C12orf56: variants seen among roughly 807,000 people sequenced by gnomAD.
C12orf56 encodes uncharacterized protein C12orf56.
C12orf56 carries 71 observed loss-of-function variants against 69.9 expected under a neutral mutation model. The observed-to-expected ratio is 1.02, with a 90% CI of 0.84 to 1.24. The LOEUF is 1.24. C12orf56 is among the 50% of genes most tolerant of loss of function. The pLI is 0.00. For missense variants in C12orf56, 732 were observed against 738.5 expected, an observed-to-expected ratio of 0.99 and a Z score of 0.10; for synonymous variants, 276 against 274.1, an observed-to-expected ratio of 1.01 and a Z score of -0.07.
At chr12:64,325,966 T>C (rs1241698359) in intron 3 of C12orf56, among the ~76,000 whole-genome samples, 1 of 152,176 alleles carries the variant, frequency 6.6e-6, no homozygotes, top group Non-Finnish European at 1.5e-5. Flanking sequence ...CTTCTATATA[T>C]ATGGGTATAA....
At chr12:64,281,847 A>G (rs2038133162) in intron 8 of C12orf56, among the ~76,000 whole-genome samples, 1 of 152,194 alleles carries the variant, frequency 6.6e-6, no homozygotes, top group Non-Finnish European at 1.5e-5. Context: ...AAAGAAAAAG[A>G]ACAAAGAAAA....
chr12:64,308,940 G>GAAAGAAGAAAGAAAGAGAAAGA, intron 5 of C12orf56, among the ~76,000 whole-genome samples: 1 of 80,878 alleles, frequency 1.2e-5, no homozygotes, highest in East Asian at 3.5e-4. Context: ...AAGAAAGAAA[G>GAAAGAAGAAAGAAAGAGAAAGA]AAGAAAGAAA....
chr12:64,354,682 C>T (rs967643491), intron 1 of C12orf56, among the ~76,000 whole-genome samples: 4 of 150,838 alleles, frequency 2.7e-5, no homozygotes, highest in Admixed American at 2.0e-4. Context: ...TGGTCTCGAA[C>T]TCCTGACCTC....
In C12orf56 at chr12:64,277,707, A is replaced by C. The variant is rs781195241; in HGVS notation, c.1407T>G (p.Ala469=). Residue 469 remains alanine (A), a synonymous_variant, in exon 9 of 13, where the codon GCT becomes GCG. Transcript: ENST00000543942. ...CAGCGTCAAAAGACATTCTGACTAA[A>C]GCTGAATCAGCCACCAACTGGATAT... is the stretch of plus-strand genomic sequence containing the variant. ...VFDIQLVADS[A]LVRMSFDAEL... 2 of 1,593,590 alleles carry C rather than the reference A, an allele frequency of 1.3e-6. No individual in the cohort carries two copies. The highest frequency in any genetic ancestry group is 1.2e-5 in the South Asian group (1 of 86,734).
Position 64,276,993 on chromosome 12 carries a change from T to TAAAAAAAAAAAAAAAAAAAAAAAA in C12orf56, c.1434+686_1434+687insTTTTTTTTTTTTTTTTTTTTTTTT, listed in dbSNP as rs200351319. On this transcript the variant is annotated intron_variant, in intron 9 of 12. Transcript: ENST00000543942. ...TGGGCAACAGAGTGAAACCCTTTCT[T>TAAAAAAAAAAAAAAAAAAAAAAAA]AAAAAAAAAAAAAAAAAAAAAAATT... 2.0e-4 allele frequency among the ~76,000 whole-genome samples: 14 copies of TAAAAAAAAAAAAAAAAAAAAAAAA among 69,214 alleles called. 1 individual carries two copies. The highest frequency in any genetic ancestry group is 8.1e-4 in the African/African-American group (14 of 17,386). The allele number at this position is 69,214 out of a possible 152,430, so 45.4% of individuals were successfully genotyped here. A position where few individuals can be genotyped will look rare whatever the true frequency, so the allele number is the denominator to read the frequency against.
At chr12:64,371,114 G>A (rs2039564536) in intron 1 of C12orf56, among the ~76,000 whole-genome samples, 1 of 152,120 alleles carries the variant, frequency 6.6e-6, no homozygotes, top group African/African-American at 2.4e-5. Flanking sequence ...GGAAAAACTG[G>A]GTATCAGCCA....
intron 6 of C12orf56, among the ~76,000 whole-genome samples, chr12:64,298,327 G>T (rs937990944): frequency 6.6e-6 from 1 of 151,814 alleles, no homozygotes; most frequent in African/African-American, 2.4e-5. Context: ...TCGTTCTGTA[G>T]GTTGTCTGTT....
chr12:64,361,570 C>G (rs2039400533), intron 1 of C12orf56, among the ~76,000 whole-genome samples: 1 of 152,140 alleles, frequency 6.6e-6, no homozygotes, highest in South Asian at 2.1e-4. Flanking sequence ...CGACAGTTTA[C>G]AAATGCCATG....
chr12:64,275,762 C>T (rs1007424158), intron 9 of C12orf56, among the ~76,000 whole-genome samples: 2 of 151,936 alleles, frequency 1.3e-5, no homozygotes, highest in African/African-American at 4.8e-5. Context: ...GCCACCATGC[C>T]CAGGTAATTT....
chr12:64,379,927 CAAAAAA>C (rs200293677), intron 1 of C12orf56, among the ~76,000 whole-genome samples: 6 of 114,128 alleles, frequency 5.3e-5, no homozygotes, highest in African/African-American at 2.8e-4. Context: ...ACTAAAAATA[CAAAAAA>C]AAAAAAAAAA....
chr12:64,279,023 A>G (rs530711878), intron 8 of C12orf56, among the ~76,000 whole-genome samples: 4 of 152,324 alleles, frequency 2.6e-5, no homozygotes, highest in African/African-American at 7.2e-5. Flanking sequence ...ATTGCTGGAC[A>G]GTAAGTTTGC....
At chr12:64,376,940 C>T (rs2039649707) in intron 1 of C12orf56, among the ~76,000 whole-genome samples, 1 of 151,796 alleles carries the variant, frequency 6.6e-6, no homozygotes, top group Admixed American at 6.6e-5. Context: ...AATTGCCACA[C>T]TGTCTTCCAC....
intron 1 of C12orf56, among the ~76,000 whole-genome samples, chr12:64,380,140 C>CAAAAACAA (rs1292534767): frequency 3.2e-5 from 1 of 31,614 alleles, no homozygotes; most frequent in African/African-American, 8.0e-5. Flanking sequence ...AAAAACAAAA[C>CAAAAACAA]AAACAAAAAA....
chr12:64,390,243 C>T (rs1407724728), intron 1 of C12orf56, 71 bp downstream of exon 1: 1 of 1,496,762 alleles, frequency 6.7e-7, no homozygotes, highest in Non-Finnish European at 8.9e-7. Flanking sequence ...CGCAGGAGGG[C>T]TGGGTTTGGG....
chr12:64,378,956 C>T (rs1269078222), intron 1 of C12orf56, among the ~76,000 whole-genome samples: 3 of 151,340 alleles, frequency 2.0e-5, no homozygotes, highest in Non-Finnish European at 4.4e-5. Flanking sequence ...GAGGCTGAGG[C>T]AGGAGAATCA....
At chr12:64,384,848 T>G (rs1020033146) in intron 1 of C12orf56, among the ~76,000 whole-genome samples, 2 of 151,902 alleles carry the variant, frequency 1.3e-5, no homozygotes, top group Non-Finnish European at 2.9e-5. Context: ...CAGGTTAGGA[T>G]TTCGAGACTG....
intron 1 of C12orf56, among the ~76,000 whole-genome samples, chr12:64,357,185 T>G (rs1191365729): frequency 6.6e-6 from 1 of 152,090 alleles, no homozygotes; most frequent in Non-Finnish European, 1.5e-5. Flanking sequence ...TATTTACTAC[T>G]GTTTCACGGG....
At chr12:64,326,228 G>A (rs188631241) in intron 3 of C12orf56, among the ~76,000 whole-genome samples, 118 of 152,138 alleles carry the variant, frequency 7.8e-4, no homozygotes, top group African/African-American at 2.7e-3. Context: ...GGAGGGGGGT[G>A]GTACATACTG....
At chr12:64,325,372 A>AAGAAGAAGAAGAAGAAG (rs1555189852) in intron 3 of C12orf56, among the ~76,000 whole-genome samples, 2 of 141,394 alleles carry the variant, frequency 1.4e-5, no homozygotes, top group Non-Finnish European at 3.0e-5. Flanking sequence ...AAAAAAAAAA[A>AAGAAGAAGAAGAAGAAG]AAGAAGAAGA....
Sources: allele counts gnomAD v4.1 joint callset (sites outside exome capture counted in the v4.1 genomes callset), GRCh38; gene constraint gnomAD v4.1.1; transcripts MANE v1.5; gene names NCBI Gene and HGNC (gene_info 2026-07-23, HGNC 2026-07-21).